The following CHSY3 variants were observed in gnomAD, a reference collection of about 807,000 sequenced individuals.
The protein encoded by CHSY3 is N-acetylgalactosaminyl-proteoglycan 3-beta-glucuronosyltransferase 3.
A neutral mutation model predicts 67.2 loss-of-function variants in CHSY3; 35 were observed. The ratio of observed to expected loss-of-function variants is 0.52; its 90% confidence interval spans 0.40 to 0.69. The LOEUF is 0.69. Among genes scored for constraint, CHSY3 ranks in the 30% least tolerant of loss-of-function variants. The pLI is 0.00. For missense variants in CHSY3, 1,069 were observed against 1,138.5 expected, an observed-to-expected ratio of 0.94 and a Z score of 0.88; for synonymous variants, 474 against 434.7, an observed-to-expected ratio of 1.09 and a Z score of -1.12.
chr5:130,099,864 T>C (rs1767171149), intron 2 of CHSY3, among the ~76,000 whole-genome samples: 1 of 152,144 alleles, frequency 6.6e-6, no homozygotes, highest in African/African-American at 2.4e-5. Context: ...CTGTTCAATG[T>C]AGCAGAATCT....
intron 2 of CHSY3, among the ~76,000 whole-genome samples, chr5:129,929,124 G>A (rs1250965547): frequency 6.6e-6 from 1 of 152,150 alleles, no homozygotes; most frequent in South Asian, 2.1e-4. Context: ...AAGGAAATGG[G>A]AAAGAAAAGA....
Position 130,032,114 on chromosome 5 carries a change from A to G in CHSY3, c.1086+123754A>G, listed in dbSNP as rs572862679. ...TATTGCTTATTGTCAGTAAATACCA[A>G]CTACATAAATGCATATGTATGGGTT... is the stretch of plus-strand genomic sequence containing the variant. On this transcript the variant is annotated intron_variant, in intron 2 of 2. Transcript: ENST00000305031. 1.8e-4 allele frequency among the ~76,000 whole-genome samples: 27 copies of G among 152,254 alleles called. 1 individual carries two copies. Among genetic ancestry groups the G allele is most frequent in the Middle Eastern group, 3.4e-3 (1 of 294 alleles).
At chr5:129,934,417 C>G (rs1761423613) in intron 2 of CHSY3, among the ~76,000 whole-genome samples, 1 of 151,926 alleles carries the variant, frequency 6.6e-6, no homozygotes, top group African/African-American at 2.4e-5. Context: ...GAAAAATAAA[C>G]AAACATAGTG....
At chr5:130,004,739 A>G (rs1763824164) in intron 2 of CHSY3, among the ~76,000 whole-genome samples, 1 of 152,194 alleles carries the variant, frequency 6.6e-6, no homozygotes, top group Admixed American at 6.5e-5. Flanking sequence ...ATATTGTTTA[A>G]GAGACTGGAT....
intron 2 of CHSY3, among the ~76,000 whole-genome samples, chr5:129,960,028 C>T (rs1214910214): frequency 6.6e-6 from 1 of 152,036 alleles, no homozygotes; most frequent in Non-Finnish European, 1.5e-5. Flanking sequence ...AGTTTTATGA[C>T]AAGAGATGAT....
chr5:129,913,192 C>G (rs1318274805), intron 2 of CHSY3, among the ~76,000 whole-genome samples: 4 of 152,214 alleles, frequency 2.6e-5, no homozygotes, highest in East Asian at 3.9e-4. Flanking sequence ...GGCAGGCAAT[C>G]TACAGTTCCC....
At chr5:130,043,924 C>T (rs562496967) in intron 2 of CHSY3, among the ~76,000 whole-genome samples, 2 of 152,172 alleles carry the variant, frequency 1.3e-5, no homozygotes, top group Middle Eastern at 3.4e-3. Context: ...TGCAAGGCCT[C>T]TATTGTCAGC....
At chr5:129,916,523 C>T (rs754672224) in intron 2 of CHSY3, among the ~76,000 whole-genome samples, 2 of 151,964 alleles carry the variant, frequency 1.3e-5, no homozygotes, top group African/African-American at 2.4e-5. Flanking sequence ...ATGGAAAAAT[C>T]GGCATTTTTA....
chr5:129,994,265 C>A (rs531370103), intron 2 of CHSY3, among the ~76,000 whole-genome samples: 3 of 152,218 alleles, frequency 2.0e-5, no homozygotes, highest in East Asian at 3.9e-4. Flanking sequence ...ACCTGCCTTG[C>A]TAGATTGGGG....
chr5:130,050,296 T>G (rs779839264), intron 2 of CHSY3, among the ~76,000 whole-genome samples: 5 of 152,146 alleles, frequency 3.3e-5, no homozygotes, highest in Non-Finnish European at 7.4e-5. Context: ...CTTCCGTTCA[T>G]TATCTTTACC....
At chr5:130,019,466 T>A (rs767180268) in intron 2 of CHSY3, among the ~76,000 whole-genome samples, 7 of 152,166 alleles carry the variant, frequency 4.6e-5, no homozygotes, top group African/African-American at 7.2e-5. Context: ...TGATCTTATA[T>A]CCTTAATATC....
At chr5:130,088,213 T>A (rs1348160392) in intron 2 of CHSY3, among the ~76,000 whole-genome samples, 1 of 152,006 alleles carries the variant, frequency 6.6e-6, no homozygotes, top group Non-Finnish European at 1.5e-5. Flanking sequence ...GTACAAAAAT[T>A]AATTCAAGAT....
Position 130,185,515 on chromosome 5 carries a change from A to G in CHSY3, c.2373A>G (p.Leu791=), listed in dbSNP as rs1347976063. 2 of 1,614,176 alleles carry G rather than the reference A, an allele frequency of 1.2e-6. No individual in the cohort carries two copies. Among genetic ancestry groups the G allele is most frequent in the South Asian group, 1.1e-5 (1 of 91,090 alleles). Residue 791 remains leucine (L), a synonymous_variant, in exon 3 of 3, where the codon CTA becomes CTG. Coordinates refer to ENST00000305031, the MANE Select transcript of CHSY3 (RefSeq NM_175856.5). ...CCTGTATTTACAAAAGTGATCTTCT[A>G]GGTGCAGGTGGATTTGATACCTCAA... The part of the protein sequence containing the change: ...GITCIYKSDL[L]GAGGFDTSIQ...
At chr5:130,056,918 C>CTTTTTTTT (rs58326964) in intron 2 of CHSY3, among the ~76,000 whole-genome samples, 174 of 55,886 alleles carry the variant, frequency 3.1e-3, no homozygotes, top group Non-Finnish European at 4.1e-3. Flanking sequence ...GCATTTCTTT[C>CTTTTTTTT]TTTTTTTTTT....
chr5:129,969,417 A>C (rs1229864838), intron 2 of CHSY3, among the ~76,000 whole-genome samples: 1 of 151,822 alleles, frequency 6.6e-6, no homozygotes, highest in Non-Finnish European at 1.5e-5. Context: ...TATGATGCAT[A>C]TTTTCTTCAA....
intron 2 of CHSY3, among the ~76,000 whole-genome samples, chr5:130,028,012 G>A (rs1424413137): frequency 6.6e-6 from 1 of 152,076 alleles, no homozygotes; most frequent in Non-Finnish European, 1.5e-5. Flanking sequence ...GGGTCAAATG[G>A]TATTTCTAGT....
rs139380957 is a variant in CHSY3 at position 130,036,945 on chromosome 5, C to T, written c.1086+128585C>T. Among the ~76,000 whole-genome samples the T allele has an allele frequency of 4.6e-3, 693 of 152,166 alleles. 1 individual carries two copies. Among genetic ancestry groups the T allele is most frequent in the Non-Finnish European group, 7.3e-3 (496 of 67,994 alleles). ...ATGCTAAGTAGACTGAAATCTGGAT[C>T]AGCTTGAGGAAAGATACTAAAAGAA... On this transcript the variant is annotated intron_variant, in intron 2 of 2. Coordinates refer to ENST00000305031, the MANE Select transcript of CHSY3 (RefSeq NM_175856.5).
chr5:130,072,506 C>A (rs1766108272), intron 2 of CHSY3, among the ~76,000 whole-genome samples: 1 of 152,128 alleles, frequency 6.6e-6, no homozygotes, highest in African/African-American at 2.4e-5. Flanking sequence ...CTATCCTCTT[C>A]CGTTGGTCAG....
At chr5:130,041,962 G>A (rs1423926403) in intron 2 of CHSY3, among the ~76,000 whole-genome samples, 1 of 152,098 alleles carries the variant, frequency 6.6e-6, no homozygotes, top group African/African-American at 2.4e-5. Context: ...AAATCAGCCT[G>A]GTACAGTGGC....
Sources: allele counts gnomAD v4.1 joint callset (sites outside exome capture counted in the v4.1 genomes callset), GRCh38; gene constraint gnomAD v4.1.1; transcripts MANE v1.5; gene names NCBI Gene and HGNC (gene_info 2026-07-23, HGNC 2026-07-21).